The following WDR7 variants were observed in gnomAD, a reference collection of about 807,000 sequenced individuals.
The protein encoded by WDR7 is WD repeat-containing protein 7.
In WDR7, 46 loss-of-function variants were observed where a neutral mutation model predicts 169.4. That is an observed-to-expected ratio of 0.27 (90% CI 0.21 to 0.35). The LOEUF is 0.35. WDR7 is among the 10% of genes least tolerant of loss of function. The probability of loss-of-function intolerance (pLI) is 1.00; values close to 1 mark genes in which losing one functional copy is unlikely to be tolerated. For missense variants in WDR7, 1,534 were observed against 1,859.3 expected (o/e 0.83, Z 3.22); for synonymous variants, 612 against 666.8 (o/e 0.92, Z 1.27).
At chr18:56,926,211 G>T (rs1027892038) in intron 22 of WDR7, among the ~76,000 whole-genome samples, 1 of 152,170 alleles carries the variant, frequency 6.6e-6, no homozygotes, top group Admixed American at 6.5e-5. Flanking sequence ...AGGAGTCTGT[G>T]CCTATAGTAC....
intron 20 of WDR7, among the ~76,000 whole-genome samples, chr18:56,850,565 A>C (rs1039725603): frequency 3.3e-5 from 5 of 152,334 alleles, no homozygotes; most frequent in African/African-American, 1.2e-4. Context: ...GCTAGAGTAC[A>C]GTGGCCTGAT....
chr18:56,967,497 T>C (rs1237034680), intron 26 of WDR7, among the ~76,000 whole-genome samples: 2 of 152,132 alleles, frequency 1.3e-5, no homozygotes, highest in Non-Finnish European at 2.9e-5. Flanking sequence ...GGTCCCTGAC[T>C]CCTTAGCGGT....
chr18:56,820,412 AAGC>A (rs2045074387), intron 20 of WDR7, among the ~76,000 whole-genome samples: 1 of 149,190 alleles, frequency 6.7e-6, no homozygotes, highest in Non-Finnish European at 1.5e-5. Flanking sequence ...TCAACTACAA[AAGC>A]AGCAATGATA....
At chr18:56,762,928 C>T (rs79488182) in intron 16 of WDR7, among the ~76,000 whole-genome samples, 16 of 149,676 alleles carry the variant, frequency 1.1e-4, no homozygotes, top group Non-Finnish European at 1.9e-4. Flanking sequence ...GGGTTGCCTA[C>T]GAATAAAGTT....
chr18:57,015,083 G>A (rs892424494), intron 26 of WDR7, among the ~76,000 whole-genome samples: 1 of 152,196 alleles, frequency 6.6e-6, no homozygotes, highest in African/African-American at 2.4e-5. Context: ...GGTCCTCAGG[G>A]GAGATGTGGG....
chr18:56,997,945 C>T (rs1300731527), intron 26 of WDR7, among the ~76,000 whole-genome samples: 2 of 152,112 alleles, frequency 1.3e-5, no homozygotes, highest in African/African-American at 4.8e-5. Context: ...CCTCCTGGAT[C>T]TGATATTAGA....
chr18:56,925,657 G>C (rs2046796192), intron 22 of WDR7, among the ~76,000 whole-genome samples: 1 of 152,148 alleles, frequency 6.6e-6, no homozygotes, highest in South Asian at 2.1e-4. Flanking sequence ...TCTACTGACT[G>C]CTCTATGCTC....
chr18:56,851,905 G>C (rs553943157), intron 20 of WDR7, among the ~76,000 whole-genome samples: 1 of 152,160 alleles, frequency 6.6e-6, no homozygotes, highest in Non-Finnish European at 1.5e-5. Context: ...CTTTCCTCTT[G>C]TTTGGGAAAA....
intron 20 of WDR7, among the ~76,000 whole-genome samples, chr18:56,833,028 A>C (rs2045339856): frequency 6.6e-6 from 1 of 152,062 alleles, no homozygotes; most frequent in Admixed American, 6.6e-5. Context: ...GGTGGGTAAT[A>C]ACAAACTCCT....
chr18:56,926,995 C>T (rs1309405167), intron 22 of WDR7, among the ~76,000 whole-genome samples: 2 of 152,182 alleles, frequency 1.3e-5, no homozygotes, highest in Non-Finnish European at 2.9e-5. Flanking sequence ...CGGTGCTCAG[C>T]CGCCTTGCTT....
chr18:56,734,061 A>T (rs184541107), intron 14 of WDR7, among the ~76,000 whole-genome samples: 1 of 152,100 alleles, frequency 6.6e-6, no homozygotes, highest in African/African-American at 2.4e-5. Context: ...TGCAGCCTCA[A>T]GGCTGTGTTC....
At chr18:56,750,074 G>C (rs912708804) in intron 14 of WDR7, among the ~76,000 whole-genome samples, 11 of 151,834 alleles carry the variant, frequency 7.2e-5, no homozygotes, top group African/African-American at 2.7e-4. Flanking sequence ...CTTGAATACA[G>C]GTTAATCTCA....
chr18:56,948,138 T>A (rs2047132251), intron 25 of WDR7, among the ~76,000 whole-genome samples: 1 of 152,102 alleles, frequency 6.6e-6, no homozygotes, highest in African/African-American at 2.4e-5. Context: ...CACTTAAAAC[T>A]GCACAGTCGT....
chr18:56,836,622 ATTTTCT>A (rs2045400972), intron 20 of WDR7, among the ~76,000 whole-genome samples: 1 of 152,322 alleles, frequency 6.6e-6, no homozygotes, highest in African/African-American at 2.4e-5. Flanking sequence ...GAAAATATTC[ATTTTCT>A]TGCGTCTATT....
intron 21 of WDR7, among the ~76,000 whole-genome samples, chr18:56,900,080 G>GTATATATATATATATATATATATATA (rs772841290): frequency 6.6e-5 from 2 of 30,208 alleles, no homozygotes; most frequent in African/African-American, 1.2e-4. Flanking sequence ...GTGTGTGTGT[G>GTATATATATATATATATATATATATA]TGTATATATA....
chr18:56,844,176 A>G (rs1380418533), intron 20 of WDR7, among the ~76,000 whole-genome samples: 1 of 150,072 alleles, frequency 6.7e-6, no homozygotes, highest in Non-Finnish European at 1.5e-5. Flanking sequence ...TTTTTTTTTT[A>G]AATAATAGCA....
chr18:56,696,501 G>C (rs751686483), intron 12 of WDR7, 39 bp downstream of exon 12: 32 of 1,515,826 alleles, frequency 2.1e-5, no homozygotes, highest in Non-Finnish European at 2.9e-5. Context: ...CACTATGGTA[G>C]AGCCAAGTTA....
intron 20 of WDR7, among the ~76,000 whole-genome samples, chr18:56,821,734 C>T (rs1444532971): frequency 6.6e-6 from 1 of 151,096 alleles, no homozygotes; most frequent in Non-Finnish European, 1.5e-5. Flanking sequence ...GTGGCTCACA[C>T]CCATAATCCC....
At chr18:56,880,783 G>T (rs2046094949) in intron 21 of WDR7, among the ~76,000 whole-genome samples, 1 of 152,126 alleles carries the variant, frequency 6.6e-6, no homozygotes, top group South Asian at 2.1e-4. Context: ...AATTCAAAGG[G>T]CTGTGTCATT....
Sources: allele counts gnomAD v4.1 joint callset (sites outside exome capture counted in the v4.1 genomes callset), GRCh38; gene constraint gnomAD v4.1.1; transcripts MANE v1.5; gene names NCBI Gene and HGNC (gene_info 2026-07-23, HGNC 2026-07-21).